CCR3: variants seen among roughly 807,000 people sequenced by gnomAD.
CCR3 encodes C-C motif chemokine receptor 3, also known as C-C chemokine receptor type 3.
For synonymous variants in CCR3, 203 were observed against 179.2 expected, an observed-to-expected ratio of 1.13 and a Z score of -1.06; for missense variants, 419 against 437.5, an observed-to-expected ratio of 0.96 and a Z score of 0.38.
intron 2 of CCR3, among the ~76,000 whole-genome samples, chr3:46,214,656 G>A (rs1699753372): frequency 6.6e-6 from 1 of 152,076 alleles, no homozygotes; most frequent in South Asian, 2.1e-4. Context: ...GAGCCCTGAT[G>A]TTCTGTGATA....
At chr3:46,250,446 G>A (rs1255820847) in intron 1 of CCR3, among the ~76,000 whole-genome samples, 2 of 152,058 alleles carry the variant, frequency 1.3e-5, no homozygotes, top group African/African-American at 4.8e-5. Flanking sequence ...GGAAGATTTG[G>A]GACAAGTTGC....
chr3:46,213,804 G>A (rs1699743587), intron 2 of CCR3, among the ~76,000 whole-genome samples: 1 of 152,186 alleles, frequency 6.6e-6, no homozygotes, highest in African/African-American at 2.4e-5. Context: ...TTTAACCCCA[G>A]TGGGACCTCC....
In CCR3 at chr3:46,265,702, CTT is replaced by C; in HGVS notation, c.546_547del (p.Cys183GlnfsTer11). On this transcript the variant is annotated frameshift_variant, in exon 2 of 2. Coordinates refer to ENST00000395940, the MANE Select transcript of CCR3 (RefSeq NM_178329.3). LOFTEE classifies it low-confidence loss of function (END_TRUNC). ...YETEELFEET[L>X]CSALYPEDTV... ...GACTGAAGAGTTGTTTGAAGAGACT[CTT>C]TGCAGTGCTCTTTACCCAGAGGATA... 1.2e-6 allele frequency: 2 copies of C among 1,614,056 alleles called. No individual in the cohort carries two copies. Among genetic ancestry groups the C allele is most frequent in the Non-Finnish European group, 8.5e-7 (1 of 1,180,004 alleles).
intron 1 of CCR3, among the ~76,000 whole-genome samples, chr3:46,259,932 T>A (rs11919884): frequency 0.1 from 15,425 of 152,228 alleles, 938 homozygotes; most frequent in South Asian, 0.19. Flanking sequence ...GACATACCTG[T>A]GACTGGGCAA....
Position 46,246,906 on chromosome 3 carries a change from T to G in CCR3, c.-12+4368T>G, listed in dbSNP as rs1291833586. On this transcript the variant is annotated intron_variant, in intron 1 of 1. Coordinates refer to ENST00000395940, the MANE Select transcript of CCR3 (RefSeq NM_178329.3). ...GGAGAGATTAAGCTGAAGGGAGGTC[T>G]TGTGGTAAGGGGTGATATTGTGGGG... Among the ~76,000 whole-genome samples, 10 of 151,988 alleles carry G rather than the reference T, an allele frequency of 6.6e-5. No homozygotes were observed. The East Asian group carries it at 7.7e-4, about 12-fold the overall frequency.
intron 1 of CCR3, among the ~76,000 whole-genome samples, chr3:46,253,460 T>C (rs1305892167): frequency 6.6e-6 from 1 of 152,176 alleles, no homozygotes; most frequent in Non-Finnish European, 1.5e-5. Flanking sequence ...CTTCAACTCA[T>C]CTTTACTGGG....
Position 46,216,125 on chromosome 3 carries a change from C to G in CCR3, c.-68+5218C>G, listed in dbSNP as rs565180236. Among the ~76,000 whole-genome samples, 73 of 152,328 alleles carry G rather than the reference C, an allele frequency of 4.8e-4. No individual in the cohort carries two copies. The South Asian group carries it at 0.014, about 29-fold the overall frequency. ...GAAGTGTATGCATTTTTTATTCCAG[C>G]AATTCCACTTTTATGAATTTATCTT... On this transcript the variant is annotated intron_variant, in intron 2 of 3. Transcript: ENST00000357422.
chr3:46,233,454 T>A (rs193112341), intron 2 of CCR3, among the ~76,000 whole-genome samples: 33 of 152,308 alleles, frequency 2.2e-4, no homozygotes, highest in African/African-American at 7.9e-4. Context: ...CCTTTCCTAT[T>A]TCTGAGGTTC....
chr3:46,221,647 T>C (rs1162152995), intron 2 of CCR3, among the ~76,000 whole-genome samples: 1 of 152,220 alleles, frequency 6.6e-6, no homozygotes, highest in Non-Finnish European at 1.5e-5. Flanking sequence ...GTCTTATTCC[T>C]GTCTTCCTTT....
intron 2 of CCR3, among the ~76,000 whole-genome samples, chr3:46,214,370 G>A (rs144945980): frequency 2.8e-4 from 42 of 152,114 alleles, no homozygotes; most frequent in African/African-American, 7.2e-4. Flanking sequence ...CATCCCTTCC[G>A]CTTGTGCAGG....
intron 2 of CCR3, among the ~76,000 whole-genome samples, chr3:46,218,811 C>T (rs1281197991): frequency 6.6e-6 from 1 of 152,036 alleles, no homozygotes; most frequent in Non-Finnish European, 1.5e-5. Flanking sequence ...GCAAAATCAG[C>T]ATAGAAGGGA....
chr3:46,221,281 C>T (rs1281038430), intron 2 of CCR3, among the ~76,000 whole-genome samples: 1 of 152,202 alleles, frequency 6.6e-6, no homozygotes, highest in Non-Finnish European at 1.5e-5. Context: ...CATGAATGTA[C>T]AGGGAAGATG....
chr3:46,244,124 T>C (rs189956267), intron 1 of CCR3, among the ~76,000 whole-genome samples: 2 of 152,230 alleles, frequency 1.3e-5, no homozygotes, highest in Non-Finnish European at 2.9e-5. Flanking sequence ...TTGTGTAATA[T>C]ACCTTAAGGA....
chr3:46,241,094 C>T (rs947291720), upstream of CCR3, among the ~76,000 whole-genome samples: 1 of 151,744 alleles, frequency 6.6e-6, no homozygotes, highest in Non-Finnish European at 1.5e-5. Flanking sequence ...TGAGCCCCTT[C>T]CTCCCTTTCT....
intron 2 of CCR3, among the ~76,000 whole-genome samples, chr3:46,224,734 C>T (rs1206235663): frequency 2.1e-5 from 1 of 47,472 alleles, no homozygotes; most frequent in Non-Finnish European, 4.4e-5. Flanking sequence ...AAGACTCTGT[C>T]AAAAAAAAAA....
At chr3:46,224,571 T>C (rs1699872200) in intron 2 of CCR3, among the ~76,000 whole-genome samples, 1 of 151,504 alleles carries the variant, frequency 6.6e-6, no homozygotes, top group Non-Finnish European at 1.5e-5. Flanking sequence ...ACCCTGTCTC[T>C]ACTAAAAATA....
In CCR3 at chr3:46,265,849, A is replaced by G; in HGVS notation, c.691A>G (p.Ser231Gly). The change falls in exon 2 of 2, where the codon AGT becomes GGT. Residue 231 changes from serine to glycine, a missense_variant. Physicochemically the swap from Ser to Gly is moderately conservative, Grantham distance 56. Coordinates refer to ENST00000395940, the MANE Select transcript of CCR3 (RefSeq NM_178329.3). The part of the protein sequence containing the change: ...GIIKTLLRCP[S>G]KKKYKAIRLI... ...CATCAAAACGCTGCTGAGGTGCCCC[A>G]GTAAAAAAAAGTACAAGGCCATCCG... The G allele has an allele frequency of 6.2e-7, 1 of 1,614,080 alleles. No homozygotes were observed. Among genetic ancestry groups the G allele is most frequent in the Non-Finnish European group, 8.5e-7 (1 of 1,179,990 alleles).
At chr3:46,223,072 G>A (rs982716783) in intron 2 of CCR3, among the ~76,000 whole-genome samples, 1 of 152,216 alleles carries the variant, frequency 6.6e-6, no homozygotes, top group African/African-American at 2.4e-5. Context: ...ACTCTTTTGA[G>A]GCCAGGTGTG....
At chr3:46,237,740 T>C (rs1700038973), upstream of CCR3, among the ~76,000 whole-genome samples, 4 of 152,242 alleles carry the variant, frequency 2.6e-5, no homozygotes, top group African/African-American at 9.6e-5. Flanking sequence ...TGGCTGTAAC[T>C]GTGTGAATTA....
Sources: gnomAD v4.1 joint callset for allele counts (sites outside exome capture counted in the v4.1 genomes callset) on GRCh38, gnomAD v4.1.1 for gene constraint, MANE v1.5 for transcripts, NCBI Gene and HGNC (gene_info 2026-07-23, HGNC 2026-07-21) for gene names.